Variants in OR4S1 observed in about 807,000 individuals in gnomAD.
OR4S1 encodes the protein olfactory receptor 4S1.
For synonymous variants in OR4S1, 197 were observed against 144.5 expected, an observed-to-expected ratio of 1.36 and a Z score of -2.61; for missense variants, 531 against 383.0, an observed-to-expected ratio of 1.39 and a Z score of -3.23.
Position 48,306,296 on chromosome 11 carries a change from G to T in OR4S1, c.74G>T (p.Cys25Phe). 6.2e-7 allele frequency: 1 copy of T among 1,605,252 alleles called. No homozygotes were observed. The highest frequency in any genetic ancestry group is 8.5e-7 in the Non-Finnish European group (1 of 1,173,704). The part of the protein sequence containing the change: ...LFESREMQHT[C>F]FVVFFLFHVL... ...GAGAGCAGAGAGATGCAGCATACAT[G>T]CTTTGTGGTATTCTTCCTCTTTCAT... Residue 25 changes from cysteine (C) to phenylalanine (F), a missense_variant, in exon 1 of 1, where the codon TGC becomes TTC. Physicochemically the swap from Cys to Phe is radical, Grantham distance 205. Transcript: ENST00000319988.
Position 48,306,520 on chromosome 11 carries a change from T to A in OR4S1, c.298T>A (p.Phe100Ile). 1 of 1,609,558 alleles carries A rather than the reference T, an allele frequency of 6.2e-7. No homozygotes were observed. Among genetic ancestry groups the A allele is most frequent in the Non-Finnish European group, 8.5e-7 (1 of 1,176,192 alleles). The stretch of plus-strand genomic sequence containing the variant: ...CTTCAATGGCTGCATGACCCAGCTC[T>A]TTTCTGCCCACTTCTTTGGTGGCAC... ...ISFNGCMTQL[F>I]SAHFFGGTEI... Residue 100 changes from phenylalanine (F) to isoleucine (I), a missense_variant, in exon 1 of 1, where the codon TTT (phenylalanine) becomes ATT (isoleucine). Physicochemically the swap from Phe to Ile is conservative, Grantham distance 21 (BLOSUM62 0). Coordinates refer to ENST00000319988, the MANE Select transcript of OR4S1 (RefSeq NM_001004725.1).
In OR4S1 at chr11:48,306,802, G is replaced by T. The variant is rs1160718690; in HGVS notation, c.580G>T (p.Gly194Cys). 1 of 1,614,020 alleles carries T rather than the reference G, an allele frequency of 6.2e-7. No individual in the cohort carries two copies. The highest frequency in any genetic ancestry group is 2.2e-5 in the East Asian group (1 of 44,890). ...KLACADTYMV[G>C]LIVVANSGMI... Reference sequence around the variant, plus strand: ...GGCCTGTGCAGACACCTACATGGTAGGTCTCATCGTGGTGGCCAACAGCGG... The same window carrying T: ...GGCCTGTGCAGACACCTACATGGTATGTCTCATCGTGGTGGCCAACAGCGG... Residue 194 changes from glycine to cysteine, a missense_variant, in exon 1 of 1, where the codon GGT (glycine) becomes TGT (cysteine). Gly to Cys is a radical substitution (Grantham distance 159). Transcript: ENST00000319988.
In OR4S1 at chr11:48,307,007, C is replaced by T; in HGVS notation, c.785C>T (p.Thr262Ile). The T allele has an allele frequency of 5.0e-6, 8 of 1,614,174 alleles. No individual in the cohort carries two copies. The highest frequency in any genetic ancestry group is 6.8e-6 in the Non-Finnish European group (8 of 1,180,020). Residue 262 changes from threonine (T) to isoleucine (I), a missense_variant, in exon 1 of 1, where the codon ACC becomes ATC. Thr to Ile is a moderately conservative substitution (Grantham distance 89). Transcript: ENST00000319988. ...TTCATGTACATTCGTCCCTCCACCA[C>T]CCTGGCTGCTGACAAACTTATCATC... ...PMFMYIRPST[T>I]LAADKLIILF...
Position 48,307,040 on chromosome 11 carries a change from A to G in OR4S1, c.818A>G (p.Asn273Ser). 6.2e-7 allele frequency: 1 copy of G among 1,614,040 alleles called. No homozygotes were observed. The stretch of plus-strand genomic sequence containing the variant: ...GCTGACAAACTTATCATCCTCTTTA[A>G]CATTGTGATGCCACCTTTGCTGAAC... ...LAADKLIILF[N>S]IVMPPLLNPL... is the part of the protein sequence containing the mutation. The change falls in exon 1 of 1, where the codon AAC becomes AGC. Residue 273 changes from asparagine (N) to serine (S), a missense_variant. Asn to Ser is a conservative substitution (Grantham distance 46). Transcript: ENST00000319988.
In OR4S1 at chr11:48,306,728, C is replaced by T; in HGVS notation, c.506C>T (p.Pro169Leu). The change falls in exon 1 of 1, where the codon CCC becomes CTC. Residue 169 changes from proline (P) to leucine (L), a missense_variant. Physicochemically the swap from Pro to Leu is moderately conservative, Grantham distance 98 (BLOSUM62 -3). Transcript: ENST00000319988. ...LLTVQLPFCG[P>L]NEIDNFFCDV... ...ACGGTTCAGCTGCCTTTTTGTGGGC[C>T]CAATGAGATAGACAACTTCTTCTGT... 1 of 1,614,090 alleles carries T rather than the reference C, an allele frequency of 6.2e-7. No homozygotes were observed. Among genetic ancestry groups the T allele is most frequent in the Non-Finnish European group, 8.5e-7 (1 of 1,179,996 alleles).
chr11:48,306,921 G>A lies in OR4S1; in HGVS notation c.699G>A (p.Lys233=). The change falls in exon 1 of 1, where the codon AAG becomes AAA. Residue 233 remains lysine, a synonymous_variant. Transcript: ENST00000319988. ...LRSQSSEDRR[K]AVSTCGSHVI... ...GCCAGTCATCTGAGGACCGGCGTAAGGCTGTCTCCACATGTGGCTCACACG... is the reference window on the plus strand; with the variant it reads ...GCCAGTCATCTGAGGACCGGCGTAAAGCTGTCTCCACATGTGGCTCACACG... 1 of 1,614,142 alleles carries A rather than the reference G, an allele frequency of 6.2e-7. No individual in the cohort carries two copies. The highest frequency in any genetic ancestry group is 1.7e-5 in the Admixed American group (1 of 60,016).
chr11:48,307,045 G>C lies in OR4S1; in HGVS notation c.823G>C (p.Val275Leu), dbSNP rs777527418. ...ADKLIILFNI[V>L]MPPLLNPLIY... ...CAAACTTATCATCCTCTTTAACATT[G>C]TGATGCCACCTTTGCTGAACCCTTT... Residue 275 changes from valine to leucine, a missense_variant, in exon 1 of 1, where the codon GTG becomes CTG. Transcript: ENST00000319988. 1.2e-6 allele frequency: 2 copies of C among 1,613,874 alleles called. No homozygotes were observed. The highest frequency in any genetic ancestry group is 4.5e-5 in the East Asian group (2 of 44,880).
rs1851993224 is a variant in OR4S1, at chr11:48,306,972, GC to G, written c.756del (p.Met253CysfsTer23). The G allele has an allele frequency of 2.5e-6, 4 of 1,614,112 alleles. No homozygotes were observed. Among genetic ancestry groups the G allele is most frequent in the Non-Finnish European group, 3.4e-6 (4 of 1,180,024 alleles). On this transcript the variant is annotated frameshift_variant, in exon 1 of 1. Transcript: ENST00000319988. LOFTEE classifies it low-confidence loss of function (END_TRUNC). Reference sequence around the variant, plus strand: ...TAATCACTGTCCTTTTGGTTCTCATGCCCCCCATGTTCATGTACATTCGTCC... The same window carrying G: ...TAATCACTGTCCTTTTGGTTCTCATGCCCCCATGTTCATGTACATTCGTCC... Reference protein sequence around the residue: ...HVITVLLVLMPPMFMYIRPST... With the variant: ...HVITVLLVLMXPMFMYIRPST...
In OR4S1 at chr11:48,307,128, C is replaced by G. The variant is rs1263790305; in HGVS notation, c.906C>G (p.Val302=). 3 of 1,613,120 alleles carry G rather than the reference C, an allele frequency of 1.9e-6. No homozygotes were observed. The highest frequency in any genetic ancestry group is 1.1e-5 in the South Asian group (1 of 91,044). ...ATGCCATGAGGAAGCTGTTTAGGGT[C>G]AAGAGGAGCTTAGGGGAGAAGTGAC... ...VKNAMRKLFR[V]KRSLGEK Residue 302 remains valine, a synonymous_variant, in exon 1 of 1, where the codon GTC becomes GTG. Coordinates refer to ENST00000319988, the MANE Select transcript of OR4S1 (RefSeq NM_001004725.1).
Position 48,306,976 on chromosome 11 carries a change from C to G in OR4S1, c.754C>G (p.Pro252Ala). 1 of 1,614,186 alleles carries G rather than the reference C, an allele frequency of 6.2e-7. No homozygotes were observed. Among genetic ancestry groups the G allele is most frequent in the African/African-American group, 1.3e-5 (1 of 75,038 alleles). Residue 252 changes from proline to alanine, a missense_variant, in exon 1 of 1, where the codon CCC becomes GCC. Coordinates refer to ENST00000319988, the MANE Select transcript of OR4S1 (RefSeq NM_001004725.1). ...VITVLLVLMPPMFMYIRPSTT... is the reference protein window; with the variant it reads ...VITVLLVLMPAMFMYIRPSTT... ...CACTGTCCTTTTGGTTCTCATGCCC[C>G]CCATGTTCATGTACATTCGTCCCTC...
rs766152996 is a variant in OR4S1 at position 48,306,303 on chromosome 11, G to A, written c.81G>A (p.Val27=). 18 of 1,604,300 alleles carry A rather than the reference G, an allele frequency of 1.1e-5. 1 individual carries two copies. Among genetic ancestry groups the A allele is most frequent in the Middle Eastern group, 1.7e-4 (1 of 6,032 alleles). ...GAGAGATGCAGCATACATGCTTTGT[G>A]GTATTCTTCCTCTTTCATGTGCTCA... ...ESREMQHTCF[V]VFFLFHVLTV... The change falls in exon 1 of 1, where the codon GTG becomes GTA. Residue 27 remains valine (V), a synonymous_variant. Transcript: ENST00000319988.
chr11:48,306,594 C>G lies in OR4S1; in HGVS notation c.372C>G (p.Ile124Met), dbSNP rs766193309. 1 of 1,575,498 alleles carries G rather than the reference C, an allele frequency of 6.3e-7. No individual in the cohort carries two copies. Among genetic ancestry groups the G allele is most frequent in the Non-Finnish European group, 8.7e-7 (1 of 1,148,770 alleles). The part of the protein sequence containing the change: ...TAMAYDRYVA[I>M]CRPLHYTAIM... ...TGGCCTATGACCGCTATGTGGCCAT[C>G]TGTAGGCCCCTGCACTACACAGCCA... Residue 124 changes from isoleucine to methionine, a missense_variant, in exon 1 of 1, where the codon ATC becomes ATG. Ile to Met is a conservative substitution (Grantham distance 10). Coordinates refer to ENST00000319988, the MANE Select transcript of OR4S1 (RefSeq NM_001004725.1).
rs1590632614 is a variant in OR4S1 at position 48,306,998 on chromosome 11, C to T, written c.776C>T (p.Pro259Leu). The change falls in exon 1 of 1, where the codon CCC (proline) becomes CTC (leucine). Residue 259 changes from proline to leucine, a missense_variant. By Grantham distance (98) the Pro-to-Leu change is moderately conservative. Coordinates refer to ENST00000319988, the MANE Select transcript of OR4S1 (RefSeq NM_001004725.1). ...CCCCCCATGTTCATGTACATTCGTC[C>T]CTCCACCACCCTGGCTGCTGACAAA... ...LMPPMFMYIR[P>L]STTLAADKLI... The T allele has an allele frequency of 1.2e-6, 2 of 1,613,998 alleles. No homozygotes were observed. Among genetic ancestry groups the T allele is most frequent in the Admixed American group, 1.7e-5 (1 of 60,000 alleles).
chr11:48,306,565 G>A lies in OR4S1; in HGVS notation c.343G>A (p.Ala115Thr). The A allele has an allele frequency of 1.9e-6, 3 of 1,594,740 alleles. No individual in the cohort carries two copies. The highest frequency in any genetic ancestry group is 1.1e-5 in the South Asian group (1 of 90,516). The part of the protein sequence containing the change: ...FGGTEIFLLT[A>T]MAYDRYVAIC... ...TGGCACTGAGATCTTCCTCCTTACA[G>A]CCATGGCCTATGACCGCTATGTGGC... Residue 115 changes from alanine to threonine, a missense_variant, in exon 1 of 1, where the codon GCC (alanine) becomes ACC (threonine). By Grantham distance (58) the Ala-to-Thr change is moderately conservative. Transcript: ENST00000319988.
chr11:48,306,492 C>T lies in OR4S1; in HGVS notation c.270C>T (p.Ile90=). ...ACACTTTTGTGGAGCATAAGATCAT[C>T]TCCTTCAATGGCTGCATGACCCAGC... The part of the protein sequence containing the change: ...IADTFVEHKI[I]SFNGCMTQLF... Residue 90 remains isoleucine (I), a synonymous_variant, in exon 1 of 1, where the codon ATC becomes ATT. Coordinates refer to ENST00000319988, the MANE Select transcript of OR4S1 (RefSeq NM_001004725.1). 1 of 1,609,270 alleles carries T rather than the reference C, an allele frequency of 6.2e-7. No homozygotes were observed. Among genetic ancestry groups the T allele is most frequent in the Non-Finnish European group, 8.5e-7 (1 of 1,176,032 alleles).
chr11:48,306,480 G>A lies in OR4S1; in HGVS notation c.258G>A (p.Glu86=). The part of the protein sequence containing the change: ...IPKMIADTFV[E]HKIISFNGCM... The stretch of plus-strand genomic sequence containing the variant: ...AGATGATTGCTGACACTTTTGTGGA[G>A]CATAAGATCATCTCCTTCAATGGCT... Residue 86 remains glutamate, a synonymous_variant, in exon 1 of 1, where the codon GAG becomes GAA. Transcript: ENST00000319988. The A allele has an allele frequency of 6.2e-7, 1 of 1,608,960 alleles. No individual in the cohort carries two copies. The highest frequency in any genetic ancestry group is 1.1e-5 in the South Asian group (1 of 90,812).
At position 48,306,971 on chromosome 11, in the gene OR4S1, T is replaced by A; in HGVS notation, c.749T>A (p.Met250Lys). 6.2e-7 allele frequency: 1 copy of A among 1,614,250 alleles called. No individual in the cohort carries two copies. The change falls in exon 1 of 1, where the codon ATG becomes AAG. Residue 250 changes from methionine to lysine, a missense_variant. Met to Lys is a moderately conservative substitution (Grantham distance 95). Transcript: ENST00000319988. ...SHVITVLLVL[M>K]PPMFMYIRPS... is the part of the protein sequence containing the mutation. ...GTAATCACTGTCCTTTTGGTTCTCA[T>A]GCCCCCCATGTTCATGTACATTCGT...
Position 48,307,096 on chromosome 11 carries a change from G to A in OR4S1, c.874G>A (p.Val292Met). The stretch of plus-strand genomic sequence containing the variant: ...GATCTATACACTAAGGAACAACGAT[G>A]TGAAAAATGCCATGAGGAAGCTGTT... ...PLIYTLRNNDVKNAMRKLFRV... is the reference protein window; with the variant it reads ...PLIYTLRNNDMKNAMRKLFRV... Residue 292 changes from valine (V) to methionine (M), a missense_variant, in exon 1 of 1, where the codon GTG becomes ATG. Coordinates refer to ENST00000319988, the MANE Select transcript of OR4S1 (RefSeq NM_001004725.1). 1.9e-6 allele frequency: 3 copies of A among 1,614,142 alleles called. No homozygotes were observed. The highest frequency in any genetic ancestry group is 2.5e-6 in the Non-Finnish European group (3 of 1,179,994).
chr11:48,306,619 A>G lies in OR4S1; in HGVS notation c.397A>G (p.Ile133Val), dbSNP rs746350967. Residue 133 changes from isoleucine (I) to valine (V), a missense_variant, in exon 1 of 1, where the codon ATC becomes GTC. Physicochemically the swap from Ile to Val is conservative, Grantham distance 29. Transcript: ENST00000319988. ...AICRPLHYTA[I>V]MDCRKCGLLA... Reference sequence around the variant, plus strand: ...CTGTAGGCCCCTGCACTACACAGCCATCATGGATTGCCGGAAGTGTGGCCT... The same window carrying G: ...CTGTAGGCCCCTGCACTACACAGCCGTCATGGATTGCCGGAAGTGTGGCCT... 1 of 1,612,102 alleles carries G rather than the reference A, an allele frequency of 6.2e-7. No homozygotes were observed. Among genetic ancestry groups the G allele is most frequent in the Non-Finnish European group, 8.5e-7 (1 of 1,178,116 alleles).
Sources: allele counts gnomAD v4.1 joint callset, GRCh38; gene constraint gnomAD v4.1.1; transcripts MANE v1.5; gene names NCBI Gene and HGNC (gene_info 2026-07-23, HGNC 2026-07-21).